ARHGAP18: variants seen among roughly 807,000 people sequenced by gnomAD.
The protein encoded by ARHGAP18 is rho GTPase-activating protein 18.
In ARHGAP18, 67 loss-of-function variants were observed where a neutral mutation model predicts 86.2. The observed-to-expected ratio is 0.78, with a 90% CI of 0.64 to 0.95. ARHGAP18 has a LOEUF of 0.95. Among genes scored for constraint, ARHGAP18 ranks in the 40% least tolerant of loss-of-function variants. The pLI is 0.00. For synonymous variants in ARHGAP18, 283 were observed against 280.4 expected (o/e 1.01, Z -0.09); for missense variants, 691 against 780.4 (o/e 0.89, Z 1.37).
chr6:129,705,833 T>G (rs919944679), intron 1 of ARHGAP18, among the ~76,000 whole-genome samples: 1 of 152,098 alleles, frequency 6.6e-6, no homozygotes, highest in Non-Finnish European at 1.5e-5. Context: ...AATTTATGGG[T>G]AGAGAGATAA....
intron 12 of ARHGAP18, among the ~76,000 whole-genome samples, chr6:129,597,531 T>C (rs1453946958): frequency 6.6e-6 from 1 of 152,102 alleles, no homozygotes; most frequent in African/African-American, 2.4e-5. Context: ...TTACTTCCTG[T>C]TTTGTAGATT....
chr6:129,580,115 G>T lies in ARHGAP18; in HGVS notation c.1855C>A (p.Leu619Ile). ...TACAAAAAAACTTCTCCTTTCTTGA[G>T]AGTCTGGGCAACCCCACTATGAGGG... Reference protein sequence around the residue: ...LSQESGVAQTLKKGEVFLYEI... With the variant: ...LSQESGVAQTIKKGEVFLYEI... Residue 619 changes from leucine to isoleucine, a missense_variant, in exon 14 of 15, where the codon CTC (leucine) becomes ATC (isoleucine). By Grantham distance (5) the Leu-to-Ile change is conservative. Transcript: ENST00000368149. The T allele has an allele frequency of 6.2e-7, 1 of 1,613,756 alleles. No individual in the cohort carries two copies. The highest frequency in any genetic ancestry group is 1.3e-5 in the African/African-American group (1 of 75,044).
intron 1 of ARHGAP18, among the ~76,000 whole-genome samples, chr6:129,664,268 C>G (rs1774001999): frequency 6.6e-6 from 1 of 152,238 alleles, no homozygotes; most frequent in African/African-American, 2.4e-5. Flanking sequence ...GGAGATAGGA[C>G]TGAACTGATG....
intron 1 of ARHGAP18, among the ~76,000 whole-genome samples, chr6:129,677,763 C>T (rs984375242): frequency 9.9e-5 from 15 of 152,178 alleles, no homozygotes; most frequent in African/African-American, 3.1e-4. Context: ...CCACACATCC[C>T]CAACCCTCTT....
chr6:129,674,776 T>G (rs554807394), intron 1 of ARHGAP18, among the ~76,000 whole-genome samples: 20 of 152,174 alleles, frequency 1.3e-4, no homozygotes, highest in Non-Finnish European at 2.8e-4. Flanking sequence ...GGATACCAAG[T>G]GAGGACTGTT....
intron 1 of ARHGAP18, among the ~76,000 whole-genome samples, chr6:129,660,893 T>G (rs72986950): frequency 0.042 from 6,401 of 150,868 alleles, 194 homozygotes; most frequent in Admixed American, 0.072. Context: ...TGTGAGGGAG[T>G]ATGCATGTTT....
chr6:129,578,677 T>G, intron 14 of ARHGAP18, 73 bp from the exon 15 acceptor site: 1 of 1,242,268 alleles, frequency 8.0e-7, no homozygotes, highest in Non-Finnish European at 1.2e-6. Context: ...TAAGCTTAAT[T>G]ATTTAACTCT....
intron 1 of ARHGAP18, among the ~76,000 whole-genome samples, chr6:129,649,952 G>C (rs1244484200): frequency 1.7e-5 from 2 of 117,022 alleles, no homozygotes. Context: ...CACTCTTGTT[G>C]TCCAGGCTGT....
intron 5 of ARHGAP18, among the ~76,000 whole-genome samples, chr6:129,624,973 TTA>T (rs1206312804): frequency 1.8e-5 from 2 of 113,184 alleles, no homozygotes; most frequent in African/African-American, 6.5e-5. Flanking sequence ...TGATATATAT[TTA>T]TATATAATAT....
chr6:129,620,483 T>C (rs1056770629), intron 5 of ARHGAP18, among the ~76,000 whole-genome samples: 3 of 152,232 alleles, frequency 2.0e-5, no homozygotes, highest in African/African-American at 7.2e-5. Flanking sequence ...CTTTTAATAT[T>C]AAACACATTA....
intron 1 of ARHGAP18, among the ~76,000 whole-genome samples, chr6:129,683,438 T>C (rs1472006648): frequency 6.6e-6 from 1 of 152,228 alleles, no homozygotes; most frequent in African/African-American, 2.4e-5. Flanking sequence ...ATCTGCCAAG[T>C]ACGGGCTTTT....
At chr6:129,640,681 T>C (rs966674608) in intron 2 of ARHGAP18, among the ~76,000 whole-genome samples, 1 of 152,220 alleles carries the variant, frequency 6.6e-6, no homozygotes, top group Non-Finnish European at 1.5e-5. Flanking sequence ...CTTATTTATA[T>C]AGATTTTGCT....
At chr6:129,655,317 C>CAAAAA (rs55681217) in intron 1 of ARHGAP18, among the ~76,000 whole-genome samples, 773 of 74,086 alleles carry the variant, frequency 0.01, no homozygotes, top group Non-Finnish European at 0.014. Flanking sequence ...AAAACTCTCT[C>CAAAAA]AAAAAAAAAA....
chr6:129,605,821 G>A, intron 10 of ARHGAP18, 56 bp downstream of exon 10: 1 of 1,480,800 alleles, frequency 6.8e-7, no homozygotes, highest in Non-Finnish European at 9.4e-7. Context: ...CACAAATAAT[G>A]AAAAATTACT....
At position 129,599,228 on chromosome 6, in the gene ARHGAP18, CTT is replaced by C. The variant is rs1788684608; in HGVS notation, c.1699_1700del (p.Lys567GlufsTer4). On this transcript the variant is annotated frameshift_variant, in exon 12 of 15. Coordinates refer to ENST00000368149, the MANE Select transcript of ARHGAP18 (RefSeq NM_033515.3). LOFTEE classifies it high-confidence loss of function. Reference protein sequence around the residue: ...YDREKYEKQDKSTNDADVPQG... With the variant: ...YDREKYEKQDXSTNDADVPQG... ...ACTATTTTCTTACATCATTTGTACT[CTT>C]ATCTTGCTTTTCATATTTTTCTCGG... 6.4e-7 allele frequency: 1 copy of C among 1,574,788 alleles called. No individual in the cohort carries two copies. The highest frequency in any genetic ancestry group is 1.4e-5 in the African/African-American group (1 of 72,288).
intron 10 of ARHGAP18, among the ~76,000 whole-genome samples, chr6:129,601,783 T>C (rs1014273522): frequency 1.3e-5 from 2 of 151,746 alleles, no homozygotes; most frequent in African/African-American, 4.8e-5. Context: ...CATGCCACCA[T>C]GCCTGGCTAA....
intron 1 of ARHGAP18, among the ~76,000 whole-genome samples, chr6:129,656,238 C>T (rs1237041709): frequency 6.6e-6 from 1 of 152,198 alleles, no homozygotes; most frequent in Non-Finnish European, 1.5e-5. Flanking sequence ...AACAGTAATA[C>T]AGGGCAGCCT....
chr6:129,659,855 C>A (rs1187082210), intron 1 of ARHGAP18, among the ~76,000 whole-genome samples: 1 of 152,142 alleles, frequency 6.6e-6, no homozygotes, highest in Non-Finnish European at 1.5e-5. Flanking sequence ...GTGAAGGGAT[C>A]CGTTGAAGGC....
At chr6:129,587,704 C>T (rs902826683) in intron 12 of ARHGAP18, among the ~76,000 whole-genome samples, 1 of 152,154 alleles carries the variant, frequency 6.6e-6, no homozygotes, top group African/African-American at 2.4e-5. Context: ...GGTTACCACC[C>T]CCATGATTCA....
Sources: allele counts gnomAD v4.1 joint callset (sites outside exome capture counted in the v4.1 genomes callset), GRCh38; gene constraint gnomAD v4.1.1; transcripts MANE v1.5; gene names NCBI Gene and HGNC (gene_info 2026-07-23, HGNC 2026-07-21).